Variants in ARSH observed in about 807,000 individuals in gnomAD.
ARSH encodes the protein arylsulfatase family member H, also known as arylsulfatase H.
ARSH carries 32 observed loss-of-function variants against 28.7 expected under a neutral mutation model. The observed-to-expected ratio is 1.11, with a 90% CI of 0.84 to 1.50. The LOEUF is 1.50. Ranked by LOEUF, ARSH falls within the 40% of genes most tolerant of loss-of-function variation. The pLI is 0.00. For missense variants in ARSH, 440 were observed against 452.4 expected (o/e 0.97, Z 0.25); for synonymous variants, 176 against 177.3 (o/e 0.99, Z 0.06).
intron 4 of ARSH, 36 bp from the exon 5 acceptor site, chrX:3,018,498 T>A: frequency 8.4e-7 from 1 of 1,191,253 alleles, no homozygotes. Flanking sequence ...GACTTCATAT[T>A]TGTGAAGGTA....
intron 4 of ARSH, among the ~76,000 whole-genome samples, chrX:3,015,793 T>G (rs1279183046): frequency 9.1e-6 from 1 of 109,580 alleles, no homozygotes; most frequent in Non-Finnish European, 1.9e-5. Flanking sequence ...CGTAACAAAC[T>G]GGCACATGGA....
At chrX:3,007,897 G>A (rs1208602765) in intron 1 of ARSH, among the ~76,000 whole-genome samples, 1 of 111,285 alleles carries the variant, frequency 9.0e-6, no homozygotes, top group Non-Finnish European at 1.9e-5. Flanking sequence ...GTGTGTCTGT[G>A]TCCTCATTTC....
Position 3,029,133 on chromosome X carries a change from CTTCCTCCCCTTCCTT to C in ARSH, c.1200-106_1200-92del, listed in dbSNP as rs1569125880. 1.2e-4 allele frequency: 94 copies of C among 753,675 alleles called. No individual in the cohort carries two copies. The South Asian group carries it at 3.3e-3, about 26-fold the overall frequency. 62.1% of individuals were successfully genotyped at this position (753,675 alleles called of 1,213,427 possible). A position where few individuals can be genotyped will look rare whatever the true frequency, so the allele number is the denominator to read the frequency against. Reference sequence around the variant, plus strand: ...TCCTCTTTATCTTTCGCCTCCTTCTCTTCCTCCCCTTCCTTTTCCTCCTCCTCCTCCTCCTCCTCT... The same window carrying C: ...TCCTCTTTATCTTTCGCCTCCTTCTCTTCCTCCTCCTCCTCCTCCTCCTCT... On this transcript the variant is annotated intron_variant, in intron 7 of 8. Coordinates refer to ENST00000381130, the MANE Select transcript of ARSH (RefSeq NM_001011719.2).
rs757475037 is a variant in ARSH, at chrX:3,033,026, G to A, written c.1330G>A (p.Val444Met). 1.7e-6 allele frequency: 2 copies of A among 1,204,767 alleles called. No homozygotes were observed. The highest frequency in any genetic ancestry group is 4.4e-5 in the Admixed American group (2 of 45,382). ...VRWHQKDCAT[V>M]WKAHYVTPKF... is the part of the protein sequence containing the mutation. ...TGCAACTTGTTTTTTAGGTGCAACT[G>A]TGTGGAAAGCTCATTATGTGACTCC... The change falls in exon 9 of 9, where the codon GTG becomes ATG. Residue 444 changes from valine to methionine, a missense_variant. Transcript: ENST00000381130.
intron 5 of ARSH, among the ~76,000 whole-genome samples, chrX:3,022,631 A>G (rs919261590): frequency 4.5e-5 from 5 of 112,058 alleles, no homozygotes; most frequent in Non-Finnish European, 9.4e-5. Flanking sequence ...GTTGTTTGGA[A>G]TTTTGCTAGA....
chrX:3,028,973 G>T (rs1213329278), intron 7 of ARSH, among the ~76,000 whole-genome samples: 1 of 108,425 alleles, frequency 9.2e-6, no homozygotes, highest in Non-Finnish European at 1.9e-5. Flanking sequence ...AGCTACTTGG[G>T]AAGCTGAGGC....
intron 1 of ARSH, 126 bp downstream of exon 1, chrX:3,006,830 G>C (rs2089828965): frequency 3.8e-6 from 2 of 524,606 alleles, no homozygotes; most frequent in Non-Finnish European, 5.9e-6. Flanking sequence ...GGCAGGAATA[G>C]CAGAGGTCAC....
rs192958918 is a variant in ARSH at position 3,027,013 on chromosome X, A to G, written c.1037-300A>G. On this transcript the variant is annotated intron_variant, in intron 6 of 8. Coordinates refer to ENST00000381130, the MANE Select transcript of ARSH (RefSeq NM_001011719.2). Reference sequence around the variant, plus strand: ...ACAGGCATGCACCACCATGGAGTGCAGTGGCGTGATCTCGGCTCACCACAA... The same window carrying G: ...ACAGGCATGCACCACCATGGAGTGCGGTGGCGTGATCTCGGCTCACCACAA... Among the ~76,000 whole-genome samples, 135 of 110,454 alleles carry G rather than the reference A, an allele frequency of 1.2e-3. 1 individual carries two copies. The highest frequency in any genetic ancestry group is 2.2e-3 in the Non-Finnish European group (116 of 52,846).
intron 8 of ARSH, among the ~76,000 whole-genome samples, chrX:3,031,453 T>C (rs1360237543): frequency 9.0e-6 from 1 of 111,529 alleles, no homozygotes; most frequent in Non-Finnish European, 1.9e-5. Context: ...AATAGCATCG[T>C]TTGCCTTAGA....
At chrX:3,018,781 G>A (rs1293468376) in intron 5 of ARSH, 111 bp downstream of exon 5, 6 of 805,738 alleles carry the variant, frequency 7.4e-6, no homozygotes, top group Non-Finnish European at 1.0e-5. Flanking sequence ...ATAGATACCT[G>A]AAAAGTATCT....
At chrX:3,029,980 C>T (rs191138830) in intron 8 of ARSH, among the ~76,000 whole-genome samples, 13 of 112,198 alleles carry the variant, frequency 1.2e-4, no homozygotes, top group Admixed American at 9.5e-4. Context: ...GTGATCCTCT[C>T]TCTTTGGCCT....
At chrX:3,007,796 G>C (rs1378851271) in intron 1 of ARSH, among the ~76,000 whole-genome samples, 1 of 101,033 alleles carries the variant, frequency 9.9e-6, no homozygotes, top group African/African-American at 3.7e-5. Context: ...CTGAGATCAA[G>C]GTGTCTGCAG....
intron 4 of ARSH, 148 bp from the exon 5 acceptor site, chrX:3,018,386 G>A (rs752573503): frequency 2.4e-5 from 11 of 465,842 alleles, no homozygotes; most frequent in Non-Finnish European, 3.7e-5. Flanking sequence ...TGGTATTTAC[G>A]ACTCACAGGA....
Position 3,027,433 on chromosome X carries a change from C to G in ARSH, c.1157C>G (p.Pro386Arg), listed in dbSNP as rs780227403. Residue 386 changes from proline (P) to arginine (R), a missense_variant, in exon 7 of 9, where the codon CCG becomes CGG. By Grantham distance (103) the Pro-to-Arg change is moderately radical. Transcript: ENST00000381130. ...CCCACCAGCTTAATGGACATCTATC[C>G]GACGCTGTCTTATATAGGCGGAGGG... ...NEPTSLMDIY[P>R]TLSYIGGGIL... 8 of 1,211,318 alleles carry G rather than the reference C, an allele frequency of 6.6e-6. No individual in the cohort carries two copies. The highest frequency in any genetic ancestry group is 8.9e-6 in the Non-Finnish European group (8 of 895,328).
intron 3 of ARSH, among the ~76,000 whole-genome samples, chrX:3,014,276 T>C (rs758465359): frequency 1.8e-5 from 2 of 111,316 alleles, no homozygotes; most frequent in Non-Finnish European, 3.8e-5. Flanking sequence ...CTTAAAAAAA[T>C]AATCTAGACA....
chrX:3,011,152 G>A (rs182729538), intron 2 of ARSH, among the ~76,000 whole-genome samples: 11 of 110,579 alleles, frequency 9.9e-5, no homozygotes, highest in Middle Eastern at 4.7e-3. Context: ...ACACAGTACC[G>A]TGTATGAAGA....
rs1442560952 is a variant in ARSH at position 3,033,102 on chromosome X, C to A, written c.1406C>A (p.Ser469Ter). 1 of 1,209,200 alleles carries A rather than the reference C, an allele frequency of 8.3e-7. No individual in the cohort carries two copies. The highest frequency in any genetic ancestry group is 1.8e-5 in the African/African-American group (1 of 56,965). Residue 469 changes from serine to a stop codon, truncating the protein, a stop_gained, in exon 9 of 9, where the codon TCA becomes TAA. Coordinates refer to ENST00000381130, the MANE Select transcript of ARSH (RefSeq NM_001011719.2). LOFTEE classifies it low-confidence loss of function (END_TRUNC). ...TGACYGSGIC[S>*]CSGDVTYHDP... ...GCCTGCTATGGGAGTGGAATATGTT[C>A]ATGTTCGGGGGATGTAACCTACCAC...
intron 2 of ARSH, among the ~76,000 whole-genome samples, 180 bp downstream of exon 2, chrX:3,010,331 C>T (rs983175167): frequency 9.8e-5 from 11 of 112,017 alleles, no homozygotes; most frequent in African/African-American, 2.9e-4. Flanking sequence ...GGTACCACTG[C>T]ACCTGCTCAT....
In ARSH at chrX:3,033,452, CCTGA is replaced by C. The variant is rs1323785685; in HGVS notation, c.*72_*75del. ...ACAATGGTCATAGGAGCAGAGCTCACCTGACTGATTCATTCCATTTGGGATAAAA... is the reference window on the plus strand; with the variant it reads ...ACAATGGTCATAGGAGCAGAGCTCACCTGATTCATTCCATTTGGGATAAAA... On this transcript the variant is annotated 3_prime_UTR_variant, in exon 9 of 9. Coordinates refer to ENST00000381130, the MANE Select transcript of ARSH (RefSeq NM_001011719.2). 1.9e-6 allele frequency: 2 copies of C among 1,046,650 alleles called. No homozygotes were observed. Among genetic ancestry groups the C allele is most frequent in the African/African-American group, 3.8e-5 (2 of 53,120 alleles). 86.3% of individuals were successfully genotyped at this position (1,046,650 alleles called of 1,213,427 possible). A position where few individuals can be genotyped will look rare whatever the true frequency, so the allele number is the denominator to read the frequency against.
Sources: allele counts gnomAD v4.1 joint callset (sites outside exome capture counted in the v4.1 genomes callset), GRCh38; gene constraint gnomAD v4.1.1; transcripts MANE v1.5; gene names NCBI Gene and HGNC (gene_info 2026-07-23, HGNC 2026-07-21).